TBCD: variants seen among roughly 807,000 people sequenced by gnomAD.
TBCD encodes tubulin folding cofactor D.
TBCD carries 105 observed loss-of-function variants against 169.3 expected under a neutral mutation model. The ratio of observed to expected loss-of-function variants is 0.62; its 90% CI spans 0.53 to 0.73. The LOEUF is 0.73. TBCD is among the 30% of genes least tolerant of loss of function. The probability of loss-of-function intolerance (pLI) is 0.00; values close to 1 mark genes in which losing one functional copy is unlikely to be tolerated. For synonymous variants in TBCD, 700 were observed against 643.9 expected, an observed-to-expected ratio of 1.09 and a Z score of -1.32; for missense variants, 1,444 against 1,600.1, an observed-to-expected ratio of 0.90 and a Z score of 1.66.
chr17:82,902,913 C>G (rs1002714194), intron 18 of TBCD, among the ~76,000 whole-genome samples: 1 of 152,154 alleles, frequency 6.6e-6, no homozygotes. Context: ...GGGCTCCAGC[C>G]TCTTGAGCCG....
rs1011423378 is a variant in TBCD, at chr17:82,789,433, TGGC to T, written c.771+7715_771+7717del. ...TCATGTGCTAGACGGGGAGGGGGCT[TGGC>T]GGGTCACCAGCCTCACCCCGCTCAG... is the stretch of plus-strand genomic sequence containing the variant. On this transcript the variant is annotated intron_variant, in intron 7 of 38. Coordinates refer to ENST00000355528, the MANE Select transcript of TBCD (RefSeq NM_005993.5). The surrounding 1 kb of genome is among the most constrained non-coding windows in gnomAD (Gnocchi z 4.8). Among the ~76,000 whole-genome samples, 1 of 152,174 alleles carries T rather than the reference TGGC, an allele frequency of 6.6e-6. No homozygotes were observed. Among genetic ancestry groups the T allele is most frequent in the African/African-American group, 2.4e-5 (1 of 41,452 alleles).
chr17:82,828,401 C>G (rs1287719388), intron 13 of TBCD, among the ~76,000 whole-genome samples: 2 of 147,958 alleles, frequency 1.4e-5, no homozygotes, highest in Non-Finnish European at 3.0e-5. Flanking sequence ...CACACCCAAT[C>G]GAATGCACAC....
chr17:82,752,327 A>T lies in TBCD; in HGVS notation c.134A>T (p.Glu45Val). The change falls in exon 1 of 39, where the codon GAG becomes GTG. Residue 45 changes from glutamate (E) to valine (V), a missense_variant. Transcript: ENST00000355528. ...CGGGCGCTGCTGGGCCGCCTGCGGG[A>T]GGTGCACGGCGGCGGCGCGGAGCGC... ...ETRALLGRLR[E>V]VHGGGAEREV... 6.8e-7 allele frequency: 1 copy of T among 1,466,338 alleles called. No homozygotes were observed. Among genetic ancestry groups the T allele is most frequent in the Admixed American group, 2.6e-5 (1 of 38,938 alleles). The allele number at this position is 1,466,338 out of a possible 1,614,324, so 90.8% of individuals were successfully genotyped here.
intron 13 of TBCD, among the ~76,000 whole-genome samples, chr17:82,827,271 C>T (rs2052936832): frequency 6.6e-6 from 1 of 152,238 alleles, no homozygotes; most frequent in Non-Finnish European, 1.5e-5. Context: ...TTGACAGCCA[C>T]CTGCATGGGG....
chr17:82,766,238 T>C, intron 3 of TBCD, 29 bp from the exon 4 acceptor site: 1 of 1,567,066 alleles, frequency 6.4e-7, no homozygotes, highest in Non-Finnish European at 8.7e-7. Context: ...TTTTTAAATG[T>C]TATAATTCAG....
intron 13 of TBCD, among the ~76,000 whole-genome samples, chr17:82,850,861 T>C (rs950990407): frequency 6.6e-6 from 1 of 152,244 alleles, no homozygotes; most frequent in African/African-American, 2.4e-5. Context: ...ACAGACCCGG[T>C]ATCCTCCTGA....
chr17:82,855,993 CTTTTTTTT>C (rs60978063), intron 13 of TBCD, among the ~76,000 whole-genome samples: 9 of 66,268 alleles, frequency 1.4e-4, no homozygotes, highest in Non-Finnish European at 1.5e-4. Flanking sequence ...TCCCCCCCCA[CTTTTTTTT>C]TTTTTTTTTT....
rs2062020134 is a variant in TBCD, at chr17:82,929,414, A to G, written c.2905A>G (p.Ile969Val). ...WSAPSQAFPR[I>V]TQLLGLPTYR... ...TGCACCTTCCCAGGCCTTCCCACGC[A>G]TCACCCAGCTCCTTGGGCTGCCCAC... The change falls in exon 32 of 39, where the codon ATC becomes GTC. Residue 969 changes from isoleucine to valine, a missense_variant. Coordinates refer to ENST00000355528, the MANE Select transcript of TBCD (RefSeq NM_005993.5). 1 of 1,612,920 alleles carries G rather than the reference A, an allele frequency of 6.2e-7. No homozygotes were observed. The highest frequency in any genetic ancestry group is 1.1e-5 in the South Asian group (1 of 91,058).
intron 34 of TBCD, among the ~76,000 whole-genome samples, chr17:82,934,927 C>T (rs1345946655): frequency 6.6e-6 from 1 of 152,120 alleles, no homozygotes; most frequent in Non-Finnish European, 1.5e-5. Context: ...GGTGAAACCC[C>T]ATCTCTACAA....
At position 82,833,685 on chromosome 17, in the gene TBCD, C is replaced by T. The variant is rs571373367; in HGVS notation, c.1318+18751C>T. On this transcript the variant is annotated intron_variant, in intron 13 of 38. Coordinates refer to ENST00000355528, the MANE Select transcript of TBCD (RefSeq NM_005993.5). This position sits in a 1 kb window ranked among gnomAD's most constrained non-coding sequence, Gnocchi z 4.7. Reference sequence around the variant, plus strand: ...ACCAAAGCTTTGCCACACTCCTGCCCGAGAGGAGACCAGAGTGAGTAGTAT... The same window carrying T: ...ACCAAAGCTTTGCCACACTCCTGCCTGAGAGGAGACCAGAGTGAGTAGTAT... Among the ~76,000 whole-genome samples the T allele has an allele frequency of 5.7e-4, 87 of 152,250 alleles. 1 individual carries two copies. The highest frequency in any genetic ancestry group is 3.4e-3 in the Middle Eastern group (1 of 294).
chr17:82,771,943 A>T (rs1473719581), intron 5 of TBCD, among the ~76,000 whole-genome samples: 1 of 152,104 alleles, frequency 6.6e-6, no homozygotes, highest in African/African-American at 2.4e-5. Flanking sequence ...AAACAAAAAC[A>T]AAAACAAAAA....
chr17:82,865,463 C>T (rs1372055094), intron 13 of TBCD: 3 of 985,482 alleles, frequency 3.0e-6, no homozygotes, highest in South Asian at 4.7e-5. Context: ...CACAGCCACC[C>T]TCTCTGGGCT....
At chr17:82,940,759 T>TAA (rs3837807) in intron 37 of TBCD, among the ~76,000 whole-genome samples, 1 of 151,428 alleles carries the variant, frequency 6.6e-6, no homozygotes, top group Non-Finnish European at 1.5e-5. Context: ...ATGATTTTTT[T>TAA]AAAAAAAAAC....
rs991889144 is a variant in TBCD at position 82,903,605 on chromosome 17, G to A, written c.1804+127G>A. 1 of 990,542 alleles carries A rather than the reference G, an allele frequency of 1.0e-6. No individual in the cohort carries two copies. Among genetic ancestry groups the A allele is most frequent in the Admixed American group, 2.4e-5 (1 of 42,082 alleles). The allele number at this position is 990,542 out of a possible 1,614,324, so 61.4% of individuals were successfully genotyped here. On this transcript the variant is annotated intron_variant, in intron 19 of 38. Transcript: ENST00000355528. This position sits in a 1 kb window ranked among gnomAD's most constrained non-coding sequence, Gnocchi z 4.8. The stretch of plus-strand genomic sequence containing the variant: ...TCTGTCTTGGTGAGAAGCATCTGAG[G>A]AAAGAGCTGTGGACTTGATCAGTGG...
chr17:82,882,912 G>C (rs1024004140), intron 14 of TBCD, among the ~76,000 whole-genome samples: 1 of 152,120 alleles, frequency 6.6e-6, no homozygotes, highest in South Asian at 2.1e-4. Flanking sequence ...GACGGTGTCC[G>C]CGCTGCCAGG....
At chr17:82,848,710 A>G (rs2055367642) in intron 13 of TBCD, among the ~76,000 whole-genome samples, 1 of 152,194 alleles carries the variant, frequency 6.6e-6, no homozygotes, top group African/African-American at 2.4e-5. Context: ...TGAAAAACCT[A>G]ACGATGAAAA....
chr17:82,896,672 C>T (rs557836613), intron 17 of TBCD, among the ~76,000 whole-genome samples: 24 of 152,124 alleles, frequency 1.6e-4, no homozygotes, highest in African/African-American at 5.8e-4. Context: ...TCATGTTGCC[C>T]AGGGTGGTCT....
chr17:82,892,232 C>T (rs571222291), intron 16 of TBCD, among the ~76,000 whole-genome samples: 99 of 152,180 alleles, frequency 6.5e-4, no homozygotes, highest in Non-Finnish European at 1.4e-3. Context: ...TCCTGGGCCA[C>T]CCCGGATGTT....
At chr17:82,907,891 C>T (rs2060359308) in intron 21 of TBCD, 70 bp downstream of exon 21, 1 of 1,538,274 alleles carries the variant, frequency 6.5e-7, no homozygotes, top group East Asian at 2.4e-5. Context: ...GCCTCCCACC[C>T]TCCCCAGGCA....
Sources: allele counts gnomAD v4.1 joint callset (sites outside exome capture counted in the v4.1 genomes callset), GRCh38; gene constraint gnomAD v4.1.1; non-coding constraint Gnocchi (gnomAD v3.1); transcripts MANE v1.5; gene names NCBI Gene and HGNC (gene_info 2026-07-23, HGNC 2026-07-21).